Variants in LRP1B observed in about 807,000 individuals in gnomAD.
The protein encoded by LRP1B is low-density lipoprotein receptor-related protein 1B.
A neutral mutation model predicts 556.6 loss-of-function variants in LRP1B; 217 were observed. The observed-to-expected ratio is 0.39, with a 90% CI of 0.35 to 0.44. The LOEUF is 0.44. LRP1B is among the 20% of genes least tolerant of loss of function. The pLI is 1.00. For synonymous variants in LRP1B, 2,047 were observed against 1,865.8 expected (o/e 1.10, Z -2.50); for missense variants, 5,053 against 5,620.8 (o/e 0.90, Z 3.23).
At chr2:141,432,615 T>C (rs1325303522) in intron 3 of LRP1B, among the ~76,000 whole-genome samples, 2 of 151,980 alleles carry the variant, frequency 1.3e-5, no homozygotes, top group Non-Finnish European at 2.9e-5. Flanking sequence ...TCTATTCAGA[T>C]GTTTTATTTT....
rs142142013 is a variant in LRP1B, at chr2:142,046,129, G to A, written c.82+84519C>T. Among the ~76,000 whole-genome samples, 603 of 152,022 alleles carry A rather than the reference G, an allele frequency of 4.0e-3. 22 individuals carry two copies. The highest frequency in any genetic ancestry group is 0.036 in the Admixed American group (549 of 15,218). ...GACTTCTTAACCCAGTTTCTCCTGT[G>A]TCTCCTTGTCTCTTTGTTCACTGCC... On this transcript the variant is annotated intron_variant, in intron 1 of 90. Transcript: ENST00000389484.
intron 7 of LRP1B, among the ~76,000 whole-genome samples, chr2:141,187,836 T>C (rs1217305304): frequency 2.0e-5 from 3 of 151,516 alleles, no homozygotes; most frequent in Non-Finnish European, 4.4e-5. Context: ...GCTTGCAAAA[T>C]TGGGAAGTTA....
chr2:140,771,869 C>T (rs899399075), intron 33 of LRP1B, among the ~76,000 whole-genome samples: 1 of 152,188 alleles, frequency 6.6e-6, no homozygotes, highest in Non-Finnish European at 1.5e-5. Flanking sequence ...AATTACAAAG[C>T]ATGATGAAAG....
At chr2:140,606,613 G>A (rs1682876807) in intron 41 of LRP1B, among the ~76,000 whole-genome samples, 1 of 151,930 alleles carries the variant, frequency 6.6e-6, no homozygotes, top group Admixed American at 6.6e-5. Context: ...TTCAACCTCA[G>A]TATAAAGTTT....
intron 34 of LRP1B, 112 bp downstream of exon 34, chr2:140,770,769 C>A: frequency 1.4e-6 from 1 of 737,776 alleles, no homozygotes. Flanking sequence ...TTCCTAATAA[C>A]TAGTTAATTT....
At chr2:141,486,216 T>C (rs11887261) in intron 2 of LRP1B, among the ~76,000 whole-genome samples, 148,334 of 152,238 alleles carry the variant, frequency 0.97, 72,378 homozygotes, top group East Asian at 1. Flanking sequence ...TATATCAACA[T>C]ATGAGGCTAG....
intron 7 of LRP1B, among the ~76,000 whole-genome samples, chr2:141,091,337 G>A (rs375439073): frequency 3.3e-5 from 5 of 152,148 alleles, no homozygotes; most frequent in African/African-American, 1.2e-4. Flanking sequence ...TGGTGTTAGG[G>A]AGACAAGAGG....
chr2:140,376,099 A>C (rs1032459038), intron 68 of LRP1B, among the ~76,000 whole-genome samples: 4 of 152,154 alleles, frequency 2.6e-5, no homozygotes, highest in African/African-American at 9.7e-5. Context: ...ACTGCACTAA[A>C]CATCTATAAA....
At chr2:141,023,429 A>C (rs925883498) in intron 11 of LRP1B, among the ~76,000 whole-genome samples, 1 of 152,000 alleles carries the variant, frequency 6.6e-6, no homozygotes, top group African/African-American at 2.4e-5. Flanking sequence ...AAATTTTAAA[A>C]GAATAATGAT....
intron 33 of LRP1B, among the ~76,000 whole-genome samples, chr2:140,772,514 T>C (rs555582686): frequency 2.0e-5 from 3 of 152,180 alleles, no homozygotes; most frequent in African/African-American, 4.8e-5. Flanking sequence ...TTCACCATGT[T>C]GGCCAGGCTA....
chr2:141,074,556 T>TG, intron 7 of LRP1B, among the ~76,000 whole-genome samples: 3 of 109,704 alleles, frequency 2.7e-5, no homozygotes, highest in African/African-American at 9.3e-5. Context: ...GTTCTTTCTC[T>TG]TTCTGTCTCT....
At chr2:141,169,897 T>C (rs1574149359) in intron 7 of LRP1B, among the ~76,000 whole-genome samples, 1 of 151,928 alleles carries the variant, frequency 6.6e-6, no homozygotes, top group Admixed American at 6.6e-5. Flanking sequence ...TTACCAATTA[T>C]GCAAATTCTT....
intron 84 of LRP1B, among the ~76,000 whole-genome samples, chr2:140,285,533 A>G (rs1683111120): frequency 6.6e-6 from 1 of 151,640 alleles, no homozygotes; most frequent in Non-Finnish European, 1.5e-5. Flanking sequence ...AGAATAATAT[A>G]TACAAACTAG....
intron 3 of LRP1B, among the ~76,000 whole-genome samples, chr2:141,423,304 T>G (rs10601129): frequency 0.21 from 29,071 of 141,592 alleles, 3,858 homozygotes; most frequent in East Asian, 0.46. Context: ...TTTTTTTTTT[T>G]TTTTTTTTTT....
chr2:140,996,168 C>G (rs1209538100), intron 15 of LRP1B, among the ~76,000 whole-genome samples: 2 of 151,880 alleles, frequency 1.3e-5, no homozygotes, highest in Non-Finnish European at 2.9e-5. Flanking sequence ...AAGAATTTTT[C>G]TTTTTATTCT....
intron 67 of LRP1B, among the ~76,000 whole-genome samples, chr2:140,381,772 G>A (rs1358343104): frequency 6.9e-6 from 1 of 144,032 alleles, no homozygotes; most frequent in Non-Finnish European, 1.5e-5. Flanking sequence ...TGAGGCAGGA[G>A]AATCACTTGC....
chr2:141,617,589 G>T (rs944687053), intron 2 of LRP1B, among the ~76,000 whole-genome samples: 1 of 152,060 alleles, frequency 6.6e-6, no homozygotes, highest in Admixed American at 6.6e-5. Context: ...TTTCTCATAA[G>T]ATTGTGGTAA....
chr2:141,675,447 G>A lies in LRP1B; in HGVS notation c.205+134832C>T, dbSNP rs993760048. Among the ~76,000 whole-genome samples the A allele has an allele frequency of 1.4e-3, 220 of 151,944 alleles. 1 individual carries two copies. Among genetic ancestry groups the A allele is most frequent in the African/African-American group, 5.1e-3 (212 of 41,538 alleles). ...ATAGAACATAGTAGTAAGAGGTCAT[G>A]TTCATAGTCCAGAGGCATCAGGTTT... On this transcript the variant is annotated intron_variant, in intron 2 of 90. Coordinates refer to ENST00000389484, the MANE Select transcript of LRP1B (RefSeq NM_018557.3).
At chr2:142,054,762 G>T (rs1368482666) in intron 1 of LRP1B, among the ~76,000 whole-genome samples, 1 of 152,018 alleles carries the variant, frequency 6.6e-6, no homozygotes, top group African/African-American at 2.4e-5. Flanking sequence ...ATTCAATTAA[G>T]TTGAACTGAA....
Sources: gnomAD v4.1 joint callset for allele counts (sites outside exome capture counted in the v4.1 genomes callset) on GRCh38, gnomAD v4.1.1 for gene constraint, MANE v1.5 for transcripts, NCBI Gene and HGNC (gene_info 2026-07-23, HGNC 2026-07-21) for gene names.